SUGCT: variants seen among roughly 807,000 people sequenced by gnomAD.
SUGCT encodes the protein succinyl-CoA:glutarate-CoA transferase.
SUGCT carries 41 observed loss-of-function variants against 55.0 expected under a neutral mutation model. That is an observed-to-expected ratio of 0.74 (90% CI 0.58 to 0.97). SUGCT has a LOEUF of 0.97. Among genes scored for constraint, SUGCT ranks in the 50% least tolerant of loss-of-function variants. The pLI is 0.00. For synonymous variants in SUGCT, 187 were observed against 200.4 expected, an observed-to-expected ratio of 0.93 and a Z score of 0.56; for missense variants, 568 against 547.8, an observed-to-expected ratio of 1.04 and a Z score of -0.37.
intron 9 of SUGCT, among the ~76,000 whole-genome samples, chr7:40,341,960 A>G (rs1797074534): frequency 6.6e-6 from 1 of 152,240 alleles, no homozygotes; most frequent in South Asian, 2.1e-4. Context: ...CAGTCCTTAA[A>G]GGGATGTTCT....
the SUGCT span, among the ~76,000 whole-genome samples, chr7:41,008,998 T>C: frequency 6.6e-6 from 1 of 151,908 alleles, no homozygotes; most frequent in Admixed American, 6.5e-5. Context: ...TCCTGTGGTA[T>C]GAGCAAAAAA....
chr7:40,785,412 T>C (rs1454508540), intron 13 of SUGCT, among the ~76,000 whole-genome samples: 1 of 152,220 alleles, frequency 6.6e-6, no homozygotes, highest in African/African-American at 2.4e-5. Flanking sequence ...GAAAGCTTAG[T>C]CCCAGTTGGA....
chr7:40,900,182 G>A, the SUGCT span, among the ~76,000 whole-genome samples: 1 of 152,244 alleles, frequency 6.6e-6, no homozygotes, highest in South Asian at 2.1e-4. Flanking sequence ...CAGCTTCTCT[G>A]CGTATTTCAA....
chr7:40,925,839 A>T, the SUGCT span, among the ~76,000 whole-genome samples: 562 of 152,316 alleles, frequency 3.7e-3, 13 homozygotes, highest in Admixed American at 0.031. Context: ...CATGCCTGCA[A>T]TTCCAACAAT....
the SUGCT span, chr7:40,979,999 A>G: frequency 1.3e-5 from 2 of 152,222 alleles, no homozygotes; most frequent in Admixed American, 6.5e-5. Context: ...ATAAACAACA[A>G]CAGTTTATTT....
chr7:40,566,751 A>G (rs1284549795), intron 12 of SUGCT, among the ~76,000 whole-genome samples: 1 of 152,200 alleles, frequency 6.6e-6, no homozygotes, highest in Non-Finnish European at 1.5e-5. Context: ...AAATGTGATT[A>G]TTGCTCATAA....
At chr7:40,807,024 C>T (rs569025397) in intron 13 of SUGCT, among the ~76,000 whole-genome samples, 19 of 152,248 alleles carry the variant, frequency 1.2e-4, no homozygotes, top group African/African-American at 4.1e-4. Context: ...TGAGTGAGTT[C>T]ATGCATGTAA....
At chr7:40,962,024 T>C in the SUGCT span, among the ~76,000 whole-genome samples, 59,186 of 152,016 alleles carry the variant, frequency 0.39, 12,097 homozygotes, top group Admixed American at 0.5. Context: ...CCAGCTGGCT[T>C]GGGTGGCCTG....
intron 5 of SUGCT, among the ~76,000 whole-genome samples, chr7:40,192,032 C>T (rs908603832): frequency 1.2e-4 from 18 of 146,884 alleles, no homozygotes; most frequent in African/African-American, 3.7e-4. Context: ...TGCTTGAACC[C>T]GACAGGCGGA....
chr7:40,795,823 G>T (rs1790528200), intron 13 of SUGCT, among the ~76,000 whole-genome samples: 1 of 152,128 alleles, frequency 6.6e-6, no homozygotes, highest in African/African-American at 2.4e-5. Context: ...TGGGAACTTG[G>T]GAAGGTGAAG....
At chr7:40,863,778 A>G (rs1438195721), downstream of SUGCT, among the ~76,000 whole-genome samples, 1 of 152,010 alleles carries the variant, frequency 6.6e-6, no homozygotes, top group Non-Finnish European at 1.5e-5. Flanking sequence ...TTGAGGTACA[A>G]CGGGCCTGAA....
intron 11 of SUGCT, among the ~76,000 whole-genome samples, chr7:40,485,417 CTTTT>C (rs397889166): frequency 1.3e-5 from 1 of 74,416 alleles, no homozygotes; most frequent in Non-Finnish European, 2.4e-5. Context: ...TATATACATT[CTTTT>C]TTTTTTTTTT....
Position 40,752,110 on chromosome 7 carries a change from A to G in SUGCT, c.1153+2613A>G, listed in dbSNP as rs369814745. Among the ~76,000 whole-genome samples, 32 of 152,238 alleles carry G rather than the reference A, an allele frequency of 2.1e-4. No individual in the cohort carries two copies. In the South Asian group the frequency reaches 6.6e-3, roughly 32 times the overall value. ...GCATTTGTTTATCCCATGCATGTGG[A>G]TTAGCTGGGATGTTTCATATAGTTT... On this transcript the variant is annotated intron_variant, in intron 13 of 13. Transcript: ENST00000335693.
At chr7:41,031,054 C>T in the SUGCT span, among the ~76,000 whole-genome samples, 1,019 of 152,218 alleles carry the variant, frequency 6.7e-3, 3 homozygotes, top group Non-Finnish European at 0.011. Flanking sequence ...TTCCGTCTCC[C>T]GGGCTCAAGT....
At chr7:40,969,074 C>A in the SUGCT span, among the ~76,000 whole-genome samples, 1 of 152,328 alleles carries the variant, frequency 6.6e-6, no homozygotes, top group Admixed American at 6.5e-5. Context: ...AGAGAAAGAA[C>A]CTGTAATGGC....
At chr7:40,292,124 T>C (rs1793823122) in intron 8 of SUGCT, among the ~76,000 whole-genome samples, 1 of 152,232 alleles carries the variant, frequency 6.6e-6, no homozygotes, top group African/African-American at 2.4e-5. Flanking sequence ...CAGACAGTTT[T>C]GGTTTTATAT....
At chr7:40,794,843 A>T (rs1407796387) in intron 13 of SUGCT, among the ~76,000 whole-genome samples, 1 of 152,164 alleles carries the variant, frequency 6.6e-6, no homozygotes, top group Non-Finnish European at 1.5e-5. Flanking sequence ...CATAAATAGA[A>T]GTTTTGTGTT....
intron 9 of SUGCT, among the ~76,000 whole-genome samples, chr7:40,359,810 G>GA (rs1304517523): frequency 1.5e-4 from 23 of 152,196 alleles, no homozygotes; most frequent in African/African-American, 5.3e-4. Flanking sequence ...GTTGGAGAGT[G>GA]GAAATGGTAG....
chr7:40,205,064 G>A (rs1355437011), intron 6 of SUGCT, among the ~76,000 whole-genome samples: 2 of 152,032 alleles, frequency 1.3e-5, no homozygotes, highest in African/African-American at 4.8e-5. Context: ...GACCAGCCTG[G>A]CCAACATGGC....
Sources: allele counts gnomAD v4.1 joint callset (sites outside exome capture counted in the v4.1 genomes callset), GRCh38; gene constraint gnomAD v4.1.1; transcripts MANE v1.5; gene names NCBI Gene and HGNC (gene_info 2026-07-23, HGNC 2026-07-21).